The following SLCO3A1 variants were observed in gnomAD, a reference collection of about 807,000 sequenced individuals.
SLCO3A1 encodes PGE1 transporter.
A neutral mutation model predicts 63.1 loss-of-function variants in SLCO3A1; 27 were observed. The observed-to-expected ratio is 0.43, with a 90% CI of 0.32 to 0.59. The LOEUF is 0.59. SLCO3A1 is among the 20% of genes least tolerant of loss of function. SLCO3A1 has a pLI of 0.09. For synonymous variants in SLCO3A1, 473 were observed against 409.9 expected (o/e 1.15, Z -1.86); for missense variants, 773 against 945.8 (o/e 0.82, Z 2.40).
Position 92,163,877 on chromosome 15 carries a change from C to T in SLCO3A1, c.*742C>T. The T allele has an allele frequency of 1.0e-6, 1 of 985,764 alleles. No homozygotes were observed. The highest frequency in any genetic ancestry group is 1.2e-6 in the Non-Finnish European group (1 of 830,180). The allele number at this position is 985,764 out of a possible 1,614,324, so 61.1% of individuals were successfully genotyped here. A position where few individuals can be genotyped will look rare whatever the true frequency, so the allele number is the denominator to read the frequency against. Reference sequence around the variant, plus strand: ...GGGGGAGCCAGGTGGGGGGCCAGCACCTCCCAGTGGCGGGCATCCACCTTC... The same window carrying T: ...GGGGGAGCCAGGTGGGGGGCCAGCATCTCCCAGTGGCGGGCATCCACCTTC... On this transcript the variant is annotated 3_prime_UTR_variant, in exon 10 of 10. Coordinates refer to ENST00000318445, the MANE Select transcript of SLCO3A1 (RefSeq NM_013272.4).
At chr15:91,978,388 GA>G (rs1182924632) in intron 2 of SLCO3A1, among the ~76,000 whole-genome samples, 1 of 152,152 alleles carries the variant, frequency 6.6e-6, no homozygotes, top group Non-Finnish European at 1.5e-5. Context: ...TCCACGCAAG[GA>G]AAAAGCTTTC....
chr15:92,036,007 T>C (rs2046721117), intron 2 of SLCO3A1, among the ~76,000 whole-genome samples: 1 of 146,904 alleles, frequency 6.8e-6, no homozygotes, highest in South Asian at 2.1e-4. Context: ...GCCAAAACAC[T>C]GTCTCTTCCA....
intron 4 of SLCO3A1, among the ~76,000 whole-genome samples, chr15:92,108,164 T>A (rs1375667718): frequency 6.6e-6 from 1 of 152,150 alleles, no homozygotes; most frequent in East Asian, 1.9e-4. Flanking sequence ...GAAGTCCCCA[T>A]CTTATAGCAA....
intron 2 of SLCO3A1, among the ~76,000 whole-genome samples, chr15:91,986,658 A>C (rs1055702797): frequency 1.9e-4 from 29 of 151,880 alleles, no homozygotes; most frequent in Non-Finnish European, 2.8e-4. Flanking sequence ...CTCAGTTCAG[A>C]CCAGCTGCAT....
chr15:92,013,997 G>T (rs924468040), intron 2 of SLCO3A1, among the ~76,000 whole-genome samples: 2 of 152,064 alleles, frequency 1.3e-5, no homozygotes, highest in African/African-American at 4.8e-5. Flanking sequence ...CTCCCCTCGC[G>T]TGGTCACTCC....
chr15:92,163,376 C>A lies in SLCO3A1; in HGVS notation c.*241C>A, dbSNP rs1449332370. 1.7e-6 allele frequency: 2 copies of A among 1,145,554 alleles called. No individual in the cohort carries two copies. Among genetic ancestry groups the A allele is most frequent in the African/African-American group, 1.6e-5 (1 of 62,366 alleles). 71.0% of individuals were successfully genotyped at this position (1,145,554 alleles called of 1,614,324 possible). A position where few individuals can be genotyped will look rare whatever the true frequency, so the allele number is the denominator to read the frequency against. ...CCTGGAGGCCACTTGCGCGGCTGGG[C>A]CACAGAGTCTACTTTGAAGGCACCT... On this transcript the variant is annotated 3_prime_UTR_variant, in exon 10 of 10. Coordinates refer to ENST00000318445, the MANE Select transcript of SLCO3A1 (RefSeq NM_013272.4).
At chr15:92,068,395 G>A (rs947595560) in intron 2 of SLCO3A1, among the ~76,000 whole-genome samples, 1 of 151,608 alleles carries the variant, frequency 6.6e-6, no homozygotes, top group African/African-American at 2.4e-5. Context: ...TCAGAAAAGG[G>A]AAGCAGAATC....
rs1034659194 is a variant in SLCO3A1 at position 91,882,811 on chromosome 15, C to T, written c.180+28723C>T. Among the ~76,000 whole-genome samples, 22 of 152,178 alleles carry T rather than the reference C, an allele frequency of 1.4e-4. No homozygotes were observed. Among genetic ancestry groups the T allele is most frequent in the Non-Finnish European group, 2.9e-4 (20 of 68,030 alleles). On this transcript the variant is annotated intron_variant, in intron 1 of 9. Coordinates refer to ENST00000318445, the MANE Select transcript of SLCO3A1 (RefSeq NM_013272.4). This position sits in a 1 kb window ranked among gnomAD's most constrained non-coding sequence, Gnocchi z 4.4. Reference sequence around the variant, plus strand: ...TGCTGAGATTACAGGTGTGAGCTACCGCGCCCAGCCATGACTTCTTAATCC... The same window carrying T: ...TGCTGAGATTACAGGTGTGAGCTACTGCGCCCAGCCATGACTTCTTAATCC...
chr15:92,004,147 C>G (rs1303489569), intron 2 of SLCO3A1, among the ~76,000 whole-genome samples: 1 of 152,166 alleles, frequency 6.6e-6, no homozygotes, highest in Non-Finnish European at 1.5e-5. Flanking sequence ...CTTTAACATG[C>G]TCCAGTCTGT....
chr15:91,889,295 C>G (rs557239555), intron 1 of SLCO3A1: 1 of 494,520 alleles, frequency 2.0e-6, no homozygotes, highest in Admixed American at 2.4e-5. Flanking sequence ...CTTCATAGCA[C>G]CTGTAGGCCT....
rs1233865352 is a variant in SLCO3A1, at chr15:92,104,248, C to G, written c.746-31C>G. On this transcript the variant is annotated intron_variant, in intron 3 of 9. Coordinates refer to ENST00000318445, the MANE Select transcript of SLCO3A1 (RefSeq NM_013272.4). ...ATCCCCAGTGGTCCAGCCTTCTTTTCTCCACTAAGCTGTGCTCTTTCCATT... is the reference window on the plus strand; with the variant it reads ...ATCCCCAGTGGTCCAGCCTTCTTTTGTCCACTAAGCTGTGCTCTTTCCATT... 5 of 1,608,186 alleles carry G rather than the reference C, an allele frequency of 3.1e-6. No individual in the cohort carries two copies. In the East Asian group the frequency reaches 1.1e-4, roughly 36 times the overall value.
intron 8 of SLCO3A1, 80 bp downstream of exon 8, chr15:92,147,239 G>C: frequency 2.9e-6 from 4 of 1,402,134 alleles, no homozygotes; most frequent in Admixed American, 4.1e-5. Flanking sequence ...CAGAGCTTCA[G>C]ACAACAGGAA....
intron 1 of SLCO3A1, among the ~76,000 whole-genome samples, chr15:91,898,960 T>C (rs994903728): frequency 1.3e-5 from 2 of 152,158 alleles, no homozygotes; most frequent in African/African-American, 4.8e-5. Context: ...AATGAAACTC[T>C]TTAGTTCTGT....
intron 2 of SLCO3A1, among the ~76,000 whole-genome samples, chr15:91,965,852 C>A (rs904676715): frequency 6.6e-6 from 1 of 151,846 alleles, no homozygotes; most frequent in Non-Finnish European, 1.5e-5. Context: ...AGGAGTAAGC[C>A]CTTAGTCGAT....
Position 92,163,084 on chromosome 15 carries a change from C to G in SLCO3A1, c.2082C>G (p.Ile694Met). 6.5e-7 allele frequency: 1 copy of G among 1,546,372 alleles called. No individual in the cohort carries two copies. Among genetic ancestry groups the G allele is most frequent in the South Asian group, 1.3e-5 (1 of 78,274 alleles). The change falls in exon 10 of 10, where the codon ATC (isoleucine) becomes ATG (methionine). Residue 694 changes from isoleucine to methionine, a missense_variant. Physicochemically the swap from Ile to Met is conservative, Grantham distance 10. Around this residue, in one of 3 missense-constraint regions of SLCO3A1, gnomAD observed 139 missense variants for 131.4 expected, o/e 1.06. Coordinates refer to ENST00000318445, the MANE Select transcript of SLCO3A1 (RefSeq NM_013272.4). ...PANQTHRTKFIYNLEDHEWCE... is the reference protein window; with the variant it reads ...PANQTHRTKFMYNLEDHEWCE... ...ACCAGACACATAGGACAAAGTTTAT[C>G]TATAACCTGGAAGACCATGAGTGGT...
chr15:91,945,559 T>C (rs1597145068), intron 2 of SLCO3A1, among the ~76,000 whole-genome samples: 2 of 152,066 alleles, frequency 1.3e-5, no homozygotes, highest in Admixed American at 1.3e-4. Flanking sequence ...TATGCAAAGG[T>C]CCTGTGGCGG....
chr15:92,122,223 G>A (rs1476740878), intron 5 of SLCO3A1, among the ~76,000 whole-genome samples: 1 of 152,138 alleles, frequency 6.6e-6, no homozygotes, highest in Non-Finnish European at 1.5e-5. Context: ...GCAGAGGGAG[G>A]GACACGTGAT....
At chr15:92,060,658 C>G (rs538301130) in intron 2 of SLCO3A1, among the ~76,000 whole-genome samples, 10 of 152,152 alleles carry the variant, frequency 6.6e-5, no homozygotes. Context: ...CAGTGCCATG[C>G]CTGGCTAATT....
intron 2 of SLCO3A1, among the ~76,000 whole-genome samples, chr15:92,070,879 T>C (rs1324237974): frequency 2.6e-5 from 4 of 152,216 alleles, no homozygotes; most frequent in Non-Finnish European, 5.9e-5. Context: ...TATACTGAAC[T>C]ATATACTTAA....
Sources: allele counts gnomAD v4.1 joint callset (sites outside exome capture counted in the v4.1 genomes callset), GRCh38; gene constraint gnomAD v4.1.1; regional missense constraint gnomAD v4.1.1; non-coding constraint Gnocchi (gnomAD v3.1); transcripts MANE v1.5; gene names NCBI Gene and HGNC (gene_info 2026-07-23, HGNC 2026-07-21).